MICU2: variants seen among roughly 807,000 people sequenced by gnomAD.
The protein encoded by MICU2 is mitochondrial calcium uptake 2.
MICU2 carries 64 observed loss-of-function variants against 60.4 expected under a neutral mutation model. The observed-to-expected ratio is 1.06, with a 90% CI of 0.87 to 1.31. The LOEUF is 1.31. MICU2 is among the 50% of genes most tolerant of loss of function. The pLI is 0.00. For missense variants in MICU2, 569 were observed against 531.0 expected (o/e 1.07, Z -0.70); for synonymous variants, 201 against 175.0 (o/e 1.15, Z -1.17).
rs563126318 is a variant in MICU2, at chr13:21,528,156, G to A, written c.467-5506C>T. Among the ~76,000 whole-genome samples, 44 of 151,950 alleles carry A rather than the reference G, an allele frequency of 2.9e-4. No individual in the cohort carries two copies. In the South Asian group the frequency reaches 8.1e-3, roughly 28 times the overall value. ...AACTTCTTCTTCCTTATAATAATAC[G>A]TGTTGGTAAATTATTTTCTTATTTT... On this transcript the variant is annotated intron_variant, in intron 4 of 11. Coordinates refer to ENST00000382374, the MANE Select transcript of MICU2 (RefSeq NM_152726.3).
At chr13:21,514,498 T>C (rs113828335) in intron 6 of MICU2, 80 bp from the exon 7 acceptor site, 7 of 993,708 alleles carry the variant, frequency 7.0e-6, no homozygotes, top group Admixed American at 2.1e-5. Flanking sequence ...TGCCAACTTA[T>C]TGTTATAAAA....
rs183029241 is a variant in MICU2, at chr13:21,532,456, A to G, written c.466+6846T>C. Among the ~76,000 whole-genome samples, 323 of 152,282 alleles carry G rather than the reference A, an allele frequency of 2.1e-3. 2 individuals carry two copies. Among genetic ancestry groups the G allele is most frequent in the Non-Finnish European group, 3.1e-3 (209 of 68,030 alleles). The stretch of plus-strand genomic sequence containing the variant: ...CTCCAAAGTTTGTTAAATCTCATTC[A>G]TATCTTCATTATCTCTCACGAGATA... On this transcript the variant is annotated intron_variant, in intron 4 of 11. Coordinates refer to ENST00000382374, the MANE Select transcript of MICU2 (RefSeq NM_152726.3).
At chr13:21,582,416 GA>G (rs1888366659) in intron 1 of MICU2, among the ~76,000 whole-genome samples, 1 of 151,544 alleles carries the variant, frequency 6.6e-6, no homozygotes, top group South Asian at 2.1e-4. Context: ...ATTTCAATAA[GA>G]AAAAAAGCCA....
At chr13:21,586,382 T>C (rs963012877) in intron 1 of MICU2, among the ~76,000 whole-genome samples, 2 of 152,212 alleles carry the variant, frequency 1.3e-5, no homozygotes, top group African/African-American at 4.8e-5. Context: ...CCTGCTGCTA[T>C]GAAAATCCAA....
chr13:21,566,853 T>A lies in MICU2; in HGVS notation c.302A>T (p.Glu101Val). The A allele has an allele frequency of 6.2e-7, 1 of 1,612,924 alleles. No homozygotes were observed. The highest frequency in any genetic ancestry group is 1.7e-4 in the Middle Eastern group (1 of 6,054). ...MQFSSLEHEG[E>V]YYMTPRDFLF... ...GAAGTCTCGTGGTGTCATATAATATTCTCCTTCATGTTCGAGTGAAGAAAA... is the reference window on the plus strand; with the variant it reads ...GAAGTCTCGTGGTGTCATATAATATACTCCTTCATGTTCGAGTGAAGAAAA... Residue 101 changes from glutamate to valine, a missense_variant, in exon 2 of 12, where the codon GAA becomes GTA. Glu to Val is a moderately radical substitution (Grantham distance 121). Transcript: ENST00000382374.
intron 2 of MICU2, among the ~76,000 whole-genome samples, chr13:21,550,970 T>A (rs1211155691): frequency 6.6e-6 from 1 of 152,240 alleles, no homozygotes; most frequent in Non-Finnish European, 1.5e-5. Context: ...CATTCTTTTG[T>A]TATTCACTTA....
chr13:21,529,018 G>A (rs1886923987), intron 4 of MICU2, among the ~76,000 whole-genome samples: 1 of 152,088 alleles, frequency 6.6e-6, no homozygotes, highest in Non-Finnish European at 1.5e-5. Context: ...AGGACAGCAG[G>A]GAAGCTTATG....
At chr13:21,522,691 G>A in intron 4 of MICU2, 41 bp from the exon 5 acceptor site, 1 of 1,449,712 alleles carries the variant, frequency 6.9e-7, no homozygotes, top group Non-Finnish European at 9.5e-7. Context: ...AGCTTTAGAT[G>A]GTTTAGAATA....
chr13:21,587,158 A>G (rs1248126190), intron 1 of MICU2, among the ~76,000 whole-genome samples: 1 of 152,206 alleles, frequency 6.6e-6, no homozygotes, highest in African/African-American at 2.4e-5. Context: ...ACCAGCTTTC[A>G]GGAGACTGGT....
chr13:21,598,167 A>T (rs918641173), intron 1 of MICU2, among the ~76,000 whole-genome samples: 1 of 152,124 alleles, frequency 6.6e-6, no homozygotes, highest in Non-Finnish European at 1.5e-5. Flanking sequence ...TAGTGGAAAA[A>T]TTTTCTATTG....
intron 7 of MICU2, 142 bp from the exon 8 acceptor site, chr13:21,510,243 T>C (rs1353342339): frequency 7.4e-6 from 3 of 404,906 alleles, no homozygotes; most frequent in Non-Finnish European, 1.3e-5. Context: ...AAAAGAGGGA[T>C]AGAGCCATTC....
In MICU2 at chr13:21,570,790, C is replaced by T. The variant is rs143019113; in HGVS notation, c.211-3846G>A. Among the ~76,000 whole-genome samples the T allele has an allele frequency of 1.6e-3, 248 of 152,192 alleles. 3 individuals carry two copies. The highest frequency in any genetic ancestry group is 5.3e-3 in the African/African-American group (220 of 41,492). On this transcript the variant is annotated intron_variant, in intron 1 of 11. Coordinates refer to ENST00000382374, the MANE Select transcript of MICU2 (RefSeq NM_152726.3). ...ACCAGAAGTCATGTCTTCTGAGTTC[C>T]ATACCCTGTTTGGTTAACTAGTTTG...
Position 21,604,108 on chromosome 13 carries a change from C to G in MICU2, c.41G>C (p.Trp14Ser), listed in dbSNP as rs777985182. 6.3e-7 allele frequency: 1 copy of G among 1,583,934 alleles called. No individual in the cohort carries two copies. The highest frequency in any genetic ancestry group is 1.4e-5 in the African/African-American group (1 of 73,316). ...GAGCCCCCGTCGCAGTTTTCCGCCC[C>G]AGGCCGCCACCCGCGCGCAGCTACC... ...AAGSCARVAAWGGKLRRGLAV... is the reference protein window; with the variant it reads ...AAGSCARVAASGGKLRRGLAV... Residue 14 changes from tryptophan (W) to serine (S), a missense_variant, in exon 1 of 12, where the codon TGG (tryptophan) becomes TCG (serine). Transcript: ENST00000382374.
At chr13:21,518,376 T>C (rs1007214579) in intron 6 of MICU2, among the ~76,000 whole-genome samples, 5 of 152,228 alleles carry the variant, frequency 3.3e-5, no homozygotes, top group Non-Finnish European at 7.3e-5. Flanking sequence ...CTACGGACTT[T>C]GTGATTTGGC....
At chr13:21,526,304 T>C (rs984714276) in intron 4 of MICU2, among the ~76,000 whole-genome samples, 1 of 151,924 alleles carries the variant, frequency 6.6e-6, no homozygotes, top group African/African-American at 2.4e-5. Flanking sequence ...CCTTGTCTTT[T>C]TTGCCCCTAC....
intron 4 of MICU2, among the ~76,000 whole-genome samples, chr13:21,529,609 T>C (rs1388776096): frequency 1.3e-5 from 2 of 152,162 alleles, no homozygotes; most frequent in Non-Finnish European, 2.9e-5. Context: ...GACAGTGTGG[T>C]TTCAGAGAAA....
chr13:21,505,811 A>G (rs1337060360), intron 8 of MICU2, among the ~76,000 whole-genome samples: 2 of 152,132 alleles, frequency 1.3e-5, no homozygotes, highest in African/African-American at 4.8e-5. Context: ...TTCAGTTTCT[A>G]AAGTATGTGA....
At chr13:21,505,176 TCAG>T (rs1416062573) in intron 8 of MICU2, among the ~76,000 whole-genome samples, 1 of 152,114 alleles carries the variant, frequency 6.6e-6, no homozygotes, top group Non-Finnish European at 1.5e-5. Flanking sequence ...GTCAAATGTG[TCAG>T]AATAGAAATA....
At chr13:21,521,104 A>G in intron 6 of MICU2, 141 bp downstream of exon 6, 1 of 704,668 alleles carries the variant, frequency 1.4e-6, no homozygotes, top group Non-Finnish European at 2.4e-6. Flanking sequence ...AGAAAATTTA[A>G]TATTTTTGAA....
Sources: gnomAD v4.1 joint callset for allele counts (sites outside exome capture counted in the v4.1 genomes callset) on GRCh38, gnomAD v4.1.1 for gene constraint, MANE v1.5 for transcripts, NCBI Gene and HGNC (gene_info 2026-07-23, HGNC 2026-07-21) for gene names.